The following PEBP4 variants were observed in gnomAD, a reference collection of about 807,000 sequenced individuals.
PEBP4 encodes the protein phosphatidylethanolamine-binding protein 4.
A neutral mutation model predicts 23.9 loss-of-function variants in PEBP4; 22 were observed. The observed-to-expected ratio is 0.92, with a 90% CI of 0.66 to 1.31. The LOEUF (loss-of-function observed/expected upper bound fraction) is 1.31, where lower values mean the gene tolerates loss of function less well. Ranked by LOEUF, PEBP4 falls within the 40% of genes most tolerant of loss-of-function variation. The probability of loss-of-function intolerance (pLI) is 0.00; values close to 1 mark genes in which losing one functional copy is unlikely to be tolerated. For synonymous variants in PEBP4, 112 were observed against 99.3 expected, an observed-to-expected ratio of 1.13 and a Z score of -0.76; for missense variants, 324 against 281.7, an observed-to-expected ratio of 1.15 and a Z score of -1.07.
chr8:22,885,105 A>G (rs934568137), intron 3 of PEBP4: 4 of 152,220 alleles, frequency 2.6e-5, no homozygotes. Flanking sequence ...ATGCAATGCA[A>G]GGAGACTGTG....
chr8:22,858,425 C>A (rs1220438222), intron 3 of PEBP4, among the ~76,000 whole-genome samples: 1 of 152,188 alleles, frequency 6.6e-6, no homozygotes, highest in Non-Finnish European at 1.5e-5. Flanking sequence ...AGATAAGGAG[C>A]ATACAGAATA....
intron 3 of PEBP4, chr8:22,897,704 G>T (rs1352077613): frequency 6.6e-6 from 1 of 151,884 alleles, no homozygotes; most frequent in Admixed American, 6.6e-5. Context: ...TCTCTCCCTG[G>T]ATTCACACTC....
At chr8:22,774,711 C>T (rs910548482) in intron 4 of PEBP4, among the ~76,000 whole-genome samples, 13 of 152,200 alleles carry the variant, frequency 8.5e-5, no homozygotes, top group Non-Finnish European at 1.5e-4. Context: ...AGACAGGGAG[C>T]CGCTCTGGCC....
chr8:22,938,640 T>C (rs1027730378), intron 1 of PEBP4, among the ~76,000 whole-genome samples: 20 of 152,108 alleles, frequency 1.3e-4, no homozygotes, highest in Admixed American at 2.0e-4. Flanking sequence ...CCCTCGGGGA[T>C]TGGGAAAGGG....
At position 22,868,163 on chromosome 8, in the gene PEBP4, T is replaced by C. The variant is rs573892334; in HGVS notation, c.259-50428A>G. Among the ~76,000 whole-genome samples the C allele has an allele frequency of 4.6e-4, 70 of 152,300 alleles. 1 individual carries two copies. Among genetic ancestry groups the C allele is most frequent in the Non-Finnish European group, 8.5e-4 (58 of 68,020 alleles). The stretch of plus-strand genomic sequence containing the variant: ...AGGGAAGACAGACCATGAGGAGCCA[T>C]TGTGAGCATCTTTGCAGGTCAGAAA... On this transcript the variant is annotated intron_variant, in intron 3 of 6. Transcript: ENST00000256404.
intron 3 of PEBP4, among the ~76,000 whole-genome samples, chr8:22,830,595 C>T (rs747285125): frequency 5.9e-5 from 9 of 152,152 alleles, no homozygotes; most frequent in Non-Finnish European, 1.2e-4. Flanking sequence ...TTCAGAGCAC[C>T]TCACACTCAT....
chr8:22,759,104 A>T (rs547255175), intron 4 of PEBP4, among the ~76,000 whole-genome samples: 1 of 152,108 alleles, frequency 6.6e-6, no homozygotes, highest in South Asian at 2.1e-4. Context: ...CCAGGTGGCT[A>T]GAGTGGCCAC....
chr8:22,880,827 A>G (rs1400916262), intron 3 of PEBP4, among the ~76,000 whole-genome samples: 1 of 152,186 alleles, frequency 6.6e-6, no homozygotes, highest in Non-Finnish European at 1.5e-5. Flanking sequence ...GCTCAAAGCC[A>G]CTGGTTCTCC....
At chr8:22,853,618 C>G (rs1807588126) in intron 3 of PEBP4, among the ~76,000 whole-genome samples, 1 of 152,176 alleles carries the variant, frequency 6.6e-6, no homozygotes, top group Non-Finnish European at 1.5e-5. Context: ...GACCTTCTTT[C>G]AATTCTACAA....
chr8:22,866,580 A>G (rs1003517924), intron 3 of PEBP4, among the ~76,000 whole-genome samples: 2 of 152,188 alleles, frequency 1.3e-5, no homozygotes, highest in African/African-American at 4.8e-5. Context: ...GGCCACCCAC[A>G]CATAACCACT....
chr8:22,881,695 C>G (rs1808262117), intron 3 of PEBP4, among the ~76,000 whole-genome samples: 1 of 152,150 alleles, frequency 6.6e-6, no homozygotes, highest in African/African-American at 2.4e-5. Flanking sequence ...TCTGTTGCTG[C>G]CTGGATCACA....
At chr8:22,745,224 G>C (rs1199905669) in intron 4 of PEBP4, among the ~76,000 whole-genome samples, 1 of 152,182 alleles carries the variant, frequency 6.6e-6, no homozygotes, top group South Asian at 2.1e-4. Context: ...TTTGAGACAG[G>C]GACAGGCCAC....
chr8:22,923,492 G>A (rs114571426), intron 2 of PEBP4, among the ~76,000 whole-genome samples: 1,642 of 152,046 alleles, frequency 0.011, 30 homozygotes, highest in African/African-American at 0.038. Flanking sequence ...GCTTGAGTCT[G>A]GGAGGTCAAG....
chr8:22,732,866 C>T (rs892495309), intron 4 of PEBP4, among the ~76,000 whole-genome samples: 2 of 152,148 alleles, frequency 1.3e-5, no homozygotes, highest in African/African-American at 2.4e-5. Context: ...ACCTCAGATC[C>T]CACTGCTTCT....
chr8:22,773,285 C>A (rs1171956677), intron 4 of PEBP4, among the ~76,000 whole-genome samples: 2 of 152,186 alleles, frequency 1.3e-5, no homozygotes, highest in Non-Finnish European at 2.9e-5. Flanking sequence ...CAAGCACCAG[C>A]CCAGGTGTAT....
intron 3 of PEBP4, among the ~76,000 whole-genome samples, chr8:22,869,731 T>C (rs1393544999): frequency 2.0e-5 from 3 of 151,938 alleles, no homozygotes; most frequent in African/African-American, 4.8e-5. Context: ...AATAACCCAA[T>C]TAAAAAATGG....
intron 6 of PEBP4, 123 bp from the exon 7 acceptor site, chr8:22,713,659 G>A: frequency 7.3e-7 from 1 of 1,365,662 alleles, no homozygotes; most frequent in Non-Finnish European, 1.0e-6. Flanking sequence ...GATGGCCATG[G>A]GGCGTAGTGG....
intron 6 of PEBP4, among the ~76,000 whole-genome samples, chr8:22,716,690 G>A (rs1030503273): frequency 1.3e-5 from 2 of 152,228 alleles, no homozygotes; most frequent in African/African-American, 4.8e-5. Context: ...CATTGGGCCA[G>A]TTAGGGCTAA....
chr8:22,826,093 A>G (rs907324018), intron 3 of PEBP4, among the ~76,000 whole-genome samples: 1 of 152,232 alleles, frequency 6.6e-6, no homozygotes, highest in African/African-American at 2.4e-5. Context: ...CATGAAGGAA[A>G]TTCTAGAAAG....
Sources: gnomAD v4.1 joint callset for allele counts (sites outside exome capture counted in the v4.1 genomes callset) on GRCh38, gnomAD v4.1.1 for gene constraint, MANE v1.5 for transcripts, NCBI Gene and HGNC (gene_info 2026-07-23, HGNC 2026-07-21) for gene names.